The following VSNL1 variants were observed in gnomAD, a reference collection of about 807,000 sequenced individuals.
The protein encoded by VSNL1 is visinin like 1, also known as visinin-like protein 1.
Under a neutral mutation model 20.4 loss-of-function variants are expected in VSNL1, and 6 were observed. The observed-to-expected ratio is 0.29, with a 90% CI of 0.16 to 0.58. VSNL1 has a LOEUF of 0.58. VSNL1 is among the 20% of genes least tolerant of loss of function. The pLI, the probability that VSNL1 is intolerant of heterozygous loss-of-function variation, is 0.90. For synonymous variants in VSNL1, 93 were observed against 86.4 expected, an observed-to-expected ratio of 1.08 and a Z score of -0.42; for missense variants, 100 against 234.5, an observed-to-expected ratio of 0.43 and a Z score of 3.75.
intron 1 of VSNL1, among the ~76,000 whole-genome samples, chr2:17,581,694 C>A (rs1664352676): frequency 6.6e-6 from 1 of 152,214 alleles, no homozygotes; most frequent in African/African-American, 2.4e-5. Flanking sequence ...TTCTCTCTCT[C>A]TTCCTCATGA....
intron 2 of VSNL1, among the ~76,000 whole-genome samples, chr2:17,631,937 A>G (rs894470811): frequency 6.6e-6 from 1 of 152,240 alleles, no homozygotes; most frequent in African/African-American, 2.4e-5. Flanking sequence ...CTGAGGCTGG[A>G]GTGCAGTGGC....
intron 2 of VSNL1, among the ~76,000 whole-genome samples, chr2:17,642,056 A>G (rs1342642612): frequency 3.3e-5 from 5 of 152,212 alleles, no homozygotes; most frequent in Non-Finnish European, 7.3e-5. Flanking sequence ...CCGTCATTTT[A>G]TATCCAGGGA....
At chr2:17,650,927 CTTCA>C (rs1666110036) in intron 3 of VSNL1, among the ~76,000 whole-genome samples, 1 of 152,176 alleles carries the variant, frequency 6.6e-6, no homozygotes, top group Non-Finnish European at 1.5e-5. Context: ...CTTGTGTTCC[CTTCA>C]TTCAATTGAA....
intron 1 of VSNL1, among the ~76,000 whole-genome samples, chr2:17,585,806 T>A (rs1444561128): frequency 6.6e-6 from 1 of 151,586 alleles, no homozygotes; most frequent in Admixed American, 6.6e-5. Context: ...AATTCTTTTT[T>A]TCTTTTTTTT....
At chr2:17,591,018 T>C (rs1198765794) in intron 1 of VSNL1, among the ~76,000 whole-genome samples, 1 of 152,192 alleles carries the variant, frequency 6.6e-6, no homozygotes, top group Non-Finnish European at 1.5e-5. Context: ...TTATTATTTA[T>C]TATAAAGCAA....
intron 2 of VSNL1, among the ~76,000 whole-genome samples, chr2:17,606,234 A>AT (rs1664941460): frequency 6.6e-6 from 1 of 152,178 alleles, no homozygotes; most frequent in South Asian, 2.1e-4. Context: ...TAGTCTTCAG[A>AT]TTTAAAACAT....
intron 1 of VSNL1, among the ~76,000 whole-genome samples, chr2:17,548,648 CATCTT>C (rs747934139): frequency 2.6e-5 from 4 of 152,176 alleles, no homozygotes; most frequent in African/African-American, 4.8e-5. Flanking sequence ...TTCCTGCCCA[CATCTT>C]ATCTTTTCTG....
intron 2 of VSNL1, among the ~76,000 whole-genome samples, chr2:17,622,236 G>C (rs1665376468): frequency 6.6e-6 from 1 of 151,228 alleles, no homozygotes; most frequent in African/African-American, 2.4e-5. Context: ...AAATCAGGCT[G>C]GGCATGGTGC....
intron 3 of VSNL1, among the ~76,000 whole-genome samples, chr2:17,650,670 C>A (rs1383585289): frequency 6.6e-6 from 1 of 152,196 alleles, no homozygotes; most frequent in Non-Finnish European, 1.5e-5. Context: ...TGGATCCCCA[C>A]AAGAAAATGG....
At chr2:17,623,249 A>G (rs1665427629) in intron 2 of VSNL1, among the ~76,000 whole-genome samples, 1 of 152,218 alleles carries the variant, frequency 6.6e-6, no homozygotes, top group Admixed American at 6.5e-5. Context: ...GAGCTGAGAG[A>G]GACCAGCTGA....
At position 17,655,316 on chromosome 2, in the gene VSNL1, T is replaced by G; in HGVS notation, c.498T>G (p.Ile166Met). 6.2e-7 allele frequency: 1 copy of G among 1,614,146 alleles called. No individual in the cohort carries two copies. The highest frequency in any genetic ancestry group is 8.5e-7 in the Non-Finnish European group (1 of 1,180,028). Residue 166 changes from isoleucine (I) to methionine (M), a missense_variant, in exon 4 of 4, where the codon ATT (isoleucine) becomes ATG (methionine). By Grantham distance (10) the Ile-to-Met change is conservative. Transcript: ENST00000295156. This position sits in a 1 kb window ranked among gnomAD's most constrained non-coding sequence, Gnocchi z 5.2. The stretch of plus-strand genomic sequence containing the variant: ...TGGATAAGAACAAAGATGACCAGAT[T>G]ACACTGGATGAATTCAAAGAAGCTG... ...SKMDKNKDDQITLDEFKEAAK... is the reference protein window; with the variant it reads ...SKMDKNKDDQMTLDEFKEAAK...
intron 2 of VSNL1, among the ~76,000 whole-genome samples, chr2:17,643,663 G>A (rs544094150): frequency 6.6e-5 from 10 of 152,290 alleles, no homozygotes; most frequent in African/African-American, 9.6e-5. Flanking sequence ...AAAAGGGCAC[G>A]AATCCACAAT....
At chr2:17,594,308 C>T (rs1664664818) in intron 2 of VSNL1, among the ~76,000 whole-genome samples, 1 of 152,090 alleles carries the variant, frequency 6.6e-6, no homozygotes, top group Non-Finnish European at 1.5e-5. Flanking sequence ...AACTCTTATT[C>T]CAACTCTGCC....
At chr2:17,545,909 C>T (rs956092949) in intron 1 of VSNL1, 1 of 152,002 alleles carries the variant, frequency 6.6e-6, no homozygotes, top group African/African-American at 2.4e-5. Flanking sequence ...GATTTCTCCA[C>T]CTCTTTACTT....
At chr2:17,600,497 A>G (rs1434395642) in intron 2 of VSNL1, among the ~76,000 whole-genome samples, 1 of 152,228 alleles carries the variant, frequency 6.6e-6, no homozygotes, top group Non-Finnish European at 1.5e-5. Flanking sequence ...AGAAAATGTG[A>G]CAGAGATGAC....
intron 2 of VSNL1, among the ~76,000 whole-genome samples, chr2:17,595,053 C>T (rs1218986491): frequency 1.3e-5 from 2 of 152,180 alleles, no homozygotes; most frequent in Non-Finnish European, 2.9e-5. Context: ...TCATTAACAC[C>T]CTCCAGCCCA....
intron 2 of VSNL1, among the ~76,000 whole-genome samples, chr2:17,625,320 C>G (rs141222636): frequency 6.6e-6 from 1 of 152,208 alleles, no homozygotes; most frequent in Admixed American, 6.5e-5. Flanking sequence ...TCAAAGTACC[C>G]TGGTTACCAT....
chr2:17,602,012 G>C (rs976353060), intron 2 of VSNL1, among the ~76,000 whole-genome samples: 1 of 152,192 alleles, frequency 6.6e-6, no homozygotes, highest in African/African-American at 2.4e-5. Context: ...GCAAAATCAT[G>C]TCTGGATTTC....
intron 2 of VSNL1, among the ~76,000 whole-genome samples, chr2:17,627,744 A>G (rs1665544749): frequency 1.3e-5 from 2 of 152,340 alleles, no homozygotes; most frequent in Admixed American, 1.3e-4. Flanking sequence ...TAGTGATGTT[A>G]CCTTCAAGAG....
Sources: gnomAD v4.1 joint callset for allele counts (sites outside exome capture counted in the v4.1 genomes callset) on GRCh38, gnomAD v4.1.1 for gene constraint, Gnocchi (gnomAD v3.1) non-coding constraint, MANE v1.5 for transcripts, NCBI Gene and HGNC (gene_info 2026-07-23, HGNC 2026-07-21) for gene names.